Variants in OR56B1 observed in about 807,000 individuals in gnomAD.
The protein encoded by OR56B1 is olfactory receptor 56B1.
A neutral mutation model predicts 11.4 loss-of-function variants in OR56B1; 13 were observed. The ratio of observed to expected loss-of-function variants is 1.14; its 90% CI spans 0.74 to 1.81. The LOEUF (loss-of-function observed/expected upper bound fraction) is 1.81, where lower values mean the gene tolerates loss of function less well. Among genes scored for constraint, OR56B1 ranks in the 40% most tolerant of loss-of-function variants. The pLI is 0.00. For missense variants in OR56B1, 434 were observed against 379.3 expected (o/e 1.14, Z -1.20); for synonymous variants, 158 against 143.6 (o/e 1.10, Z -0.72).
At position 5,737,288 on chromosome 11, in the gene OR56B1, C is replaced by T. The variant is rs370914437; in HGVS notation, c.772C>T (p.Leu258Phe). Residue 258 changes from leucine (L) to phenylalanine (F), a missense_variant, in exon 1 of 1, where the codon CTT becomes TTT. Physicochemically the swap from Leu to Phe is conservative, Grantham distance 22 (BLOSUM62 0). Coordinates refer to ENST00000317121, the MANE Select transcript of OR56B1 (RefSeq NM_001005180.3). ...TTGTAGTTCACATCTCACCCTCATC[C>T]TTTTCTTTTACACTATTGTTGTAGT... is the stretch of plus-strand genomic sequence containing the variant. The part of the protein sequence containing the change: ...STCSSHLTLI[L>F]FFYTIVVVIS... The T allele has an allele frequency of 2.2e-5, 36 of 1,614,012 alleles. No individual in the cohort carries two copies. Among genetic ancestry groups the T allele is most frequent in the Non-Finnish European group, 3.0e-5 (35 of 1,179,988 alleles).
Position 5,737,564 on chromosome 11 carries a change from G to GC in OR56B1, c.*73_*74insC. Reference sequence around the variant, plus strand: ...TAGTAAAATTTCAAAGAGGATAAATGAGTAAGTGAATACCTTTGGGATTCC... The same window carrying GC: ...TAGTAAAATTTCAAAGAGGATAAATGCAGTAAGTGAATACCTTTGGGATTCC... On this transcript the variant is annotated 3_prime_UTR_variant, in exon 1 of 1. Coordinates refer to ENST00000317121, the MANE Select transcript of OR56B1 (RefSeq NM_001005180.3). The GC allele has an allele frequency of 7.3e-7, 1 of 1,371,142 alleles. No homozygotes were observed. The highest frequency in any genetic ancestry group is 1.4e-5 in the South Asian group (1 of 69,206). The allele number at this position is 1,371,142 out of a possible 1,614,324, so 84.9% of individuals were successfully genotyped here. A position where few individuals can be genotyped will look rare whatever the true frequency, so the allele number is the denominator to read the frequency against.
chr11:5,737,168 A>G lies in OR56B1; in HGVS notation c.652A>G (p.Ser218Gly). Residue 218 changes from serine (S) to glycine (G), a missense_variant, in exon 1 of 1, where the codon AGT becomes GGT. Ser to Gly is a moderately conservative substitution (Grantham distance 56). Coordinates refer to ENST00000317121, the MANE Select transcript of OR56B1 (RefSeq NM_001005180.3). ...QLVLAWLGMG[S>G]DLSLIILSYI... ...GGTTCTGGCATGGCTTGGAATGGGG[A>G]GTGATCTAAGTCTTATTATACTGTC... is the stretch of plus-strand genomic sequence containing the variant. 6.2e-7 allele frequency: 1 copy of G among 1,613,964 alleles called. No homozygotes were observed. The highest frequency in any genetic ancestry group is 8.5e-7 in the Non-Finnish European group (1 of 1,179,964).
chr11:5,736,889 C>G lies in OR56B1; in HGVS notation c.373C>G (p.Leu125Val), dbSNP rs199733222. 1.3e-3 allele frequency: 2,138 copies of G among 1,614,012 alleles called. 36 individuals are homozygous for G. The South Asian group carries it at 0.021, about 16-fold the overall frequency. ...FFVGMESGIL[L>V]CMAFDRYVAI... ...TGTGGGCATGGAGTCTGGTATCCTA[C>G]TCTGCATGGCTTTTGATAGATATGT... The change falls in exon 1 of 1, where the codon CTC (leucine) becomes GTC (valine). Residue 125 changes from leucine to valine, a missense_variant. Transcript: ENST00000317121.
Position 5,736,478 on chromosome 11 carries a change from A to C in OR56B1, c.-39A>C. ...TGGTGGTTCCAACCTGTGATAACTG[A>C]GAACAATACAAATAGAGATTTGAAA... On this transcript the variant is annotated 5_prime_UTR_variant, in exon 1 of 1. Coordinates refer to ENST00000317121, the MANE Select transcript of OR56B1 (RefSeq NM_001005180.3). 1 of 1,593,392 alleles carries C rather than the reference A, an allele frequency of 6.3e-7. No homozygotes were observed. The highest frequency in any genetic ancestry group is 1.1e-5 in the South Asian group (1 of 90,498).
chr11:5,736,548 C>G lies in OR56B1; in HGVS notation c.32C>G (p.Ser11Cys). ...CATATGTCTGCATCTCTCAAAATCT[C>G]CAATAGCTCCAAATTCCAGGTCTCT... MNHMSASLKI[S>C]NSSKFQVSEF... Residue 11 changes from serine (S) to cysteine (C), a missense_variant, in exon 1 of 1, where the codon TCC (serine) becomes TGC (cysteine). Physicochemically the swap from Ser to Cys is moderately radical, Grantham distance 112 (BLOSUM62 -1). Coordinates refer to ENST00000317121, the MANE Select transcript of OR56B1 (RefSeq NM_001005180.3). 1 of 1,613,786 alleles carries G rather than the reference C, an allele frequency of 6.2e-7. No individual in the cohort carries two copies. The highest frequency in any genetic ancestry group is 8.5e-7 in the Non-Finnish European group (1 of 1,179,764).
chr11:5,736,557 C>A lies in OR56B1; in HGVS notation c.41C>A (p.Ser14Tyr). The change falls in exon 1 of 1, where the codon TCC becomes TAC. Residue 14 changes from serine to tyrosine, a missense_variant. By Grantham distance (144) the Ser-to-Tyr change is moderately radical. Coordinates refer to ENST00000317121, the MANE Select transcript of OR56B1 (RefSeq NM_001005180.3). ...GCATCTCTCAAAATCTCCAATAGCT[C>A]CAAATTCCAGGTCTCTGAGTTCATC... The part of the protein sequence containing the change: ...MSASLKISNS[S>Y]KFQVSEFILL... 1.9e-6 allele frequency: 3 copies of A among 1,613,820 alleles called. No homozygotes were observed. The highest frequency in any genetic ancestry group is 2.5e-6 in the Non-Finnish European group (3 of 1,179,796).
In OR56B1 at chr11:5,737,094, T is replaced by C. The variant is rs1853931265; in HGVS notation, c.578T>C (p.Val193Ala). 3 of 1,613,936 alleles carry C rather than the reference T, an allele frequency of 1.9e-6. No homozygotes were observed. Among genetic ancestry groups the C allele is most frequent in the Non-Finnish European group, 2.5e-6 (3 of 1,180,002 alleles). ...CACTGCCTGTGCTCTAACCTTGGGG[T>C]CACAAGCCTGGCTTGTGATGACAGG... Reference protein sequence around the residue: ...IEHCLCSNLGVTSLACDDRRP... With the variant: ...IEHCLCSNLGATSLACDDRRP... Residue 193 changes from valine to alanine, a missense_variant, in exon 1 of 1, where the codon GTC becomes GCC. Transcript: ENST00000317121.
At position 5,737,661 on chromosome 11, in the gene OR56B1, A is replaced by T. The variant is rs1466182238; in HGVS notation, c.*170A>T. 1.4e-5 allele frequency: 8 copies of T among 558,512 alleles called. No homozygotes were observed. Among genetic ancestry groups the T allele is most frequent in the Non-Finnish European group, 2.0e-5 (7 of 341,486 alleles). The allele number at this position is 558,512 out of a possible 1,614,324, so 34.6% of individuals were successfully genotyped here. On this transcript the variant is annotated 3_prime_UTR_variant, in exon 1 of 1. Transcript: ENST00000317121. ...ACAAAAAATCACAGTAGCCTAAAAT[A>T]TTGACAAAAGCTAAATATTTAAATA...
At position 5,737,279 on chromosome 11, in the gene OR56B1, AC is replaced by A. The variant is rs1564953044; in HGVS notation, c.766del (p.Leu256SerfsTer10). The A allele has an allele frequency of 6.2e-7, 1 of 1,613,992 alleles. No individual in the cohort carries two copies. Among genetic ancestry groups the A allele is most frequent in the African/African-American group, 1.3e-5 (1 of 75,004 alleles). On this transcript the variant is annotated frameshift_variant, in exon 1 of 1. Transcript: ENST00000317121. LOFTEE classifies it high-confidence loss of function. Reference protein sequence around the residue: ...KALSTCSSHLTLILFFYTIVV... With the variant: ...KALSTCSSHLXLILFFYTIVV... ...CCTGAGCACTTGTAGTTCACATCTCACCCTCATCCTTTTCTTTTACACTATT... is the reference window on the plus strand; with the variant it reads ...CCTGAGCACTTGTAGTTCACATCTCACCTCATCCTTTTCTTTTACACTATT...
At position 5,737,405 on chromosome 11, in the gene OR56B1, C is replaced by G; in HGVS notation, c.889C>G (p.Pro297Ala). ...LHNIIPPSLN[P>A]TVYALQTKEL... Reference sequence around the variant, plus strand: ...CAACATCATCCCCCCTTCCCTCAACCCTACAGTTTATGCACTTCAGACCAA... The same window carrying G: ...CAACATCATCCCCCCTTCCCTCAACGCTACAGTTTATGCACTTCAGACCAA... Residue 297 changes from proline (P) to alanine (A), a missense_variant, in exon 1 of 1, where the codon CCT becomes GCT. Transcript: ENST00000317121. The G allele has an allele frequency of 6.2e-7, 1 of 1,614,062 alleles. No individual in the cohort carries two copies.
At position 5,736,520 on chromosome 11, in the gene OR56B1, A is replaced by G; in HGVS notation, c.4A>G (p.Asn2Asp). The G allele has an allele frequency of 6.2e-7, 1 of 1,613,384 alleles. No homozygotes were observed. Among genetic ancestry groups the G allele is most frequent in the Non-Finnish European group, 8.5e-7 (1 of 1,179,368 alleles). Residue 2 changes from asparagine (N) to aspartate (D), a missense_variant, in exon 1 of 1, where the codon AAT becomes GAT. Coordinates refer to ENST00000317121, the MANE Select transcript of OR56B1 (RefSeq NM_001005180.3). ...GATTTGAAATTCATGTTGAATCATG[A>G]ATCATATGTCTGCATCTCTCAAAAT... MNHMSASLKISN... is the reference protein window; with the variant it reads MDHMSASLKISN...
In OR56B1 at chr11:5,736,878, CT is replaced by C; in HGVS notation, c.363del (p.Gly122ValfsTer28). ...ATTCACTTCTTTGTGGGCATGGAGT[CT>C]GGTATCCTACTCTGCATGGCTTTTG... is the stretch of plus-strand genomic sequence containing the variant. ...YAIHFFVGME[S>X]GILLCMAFDR... On this transcript the variant is annotated frameshift_variant, in exon 1 of 1. Coordinates refer to ENST00000317121, the MANE Select transcript of OR56B1 (RefSeq NM_001005180.3). LOFTEE classifies it high-confidence loss of function. 1 of 1,614,008 alleles carries C rather than the reference CT, an allele frequency of 6.2e-7. No individual in the cohort carries two copies. Among genetic ancestry groups the C allele is most frequent in the Non-Finnish European group, 8.5e-7 (1 of 1,179,990 alleles).
Position 5,736,529 on chromosome 11 carries a change from T to C in OR56B1, c.13T>C (p.Ser5Pro). The part of the protein sequence containing the change: MNHM[S>P]ASLKISNSSK... Reference sequence around the variant, plus strand: ...TTCATGTTGAATCATGAATCATATGTCTGCATCTCTCAAAATCTCCAATAG... The same window carrying C: ...TTCATGTTGAATCATGAATCATATGCCTGCATCTCTCAAAATCTCCAATAG... The change falls in exon 1 of 1, where the codon TCT becomes CCT. Residue 5 changes from serine to proline, a missense_variant. Coordinates refer to ENST00000317121, the MANE Select transcript of OR56B1 (RefSeq NM_001005180.3). 6.2e-7 allele frequency: 1 copy of C among 1,613,628 alleles called. No individual in the cohort carries two copies. The highest frequency in any genetic ancestry group is 8.5e-7 in the Non-Finnish European group (1 of 1,179,596).
At position 5,736,844 on chromosome 11, in the gene OR56B1, A is replaced by G. The variant is rs1188698019; in HGVS notation, c.328A>G (p.Ile110Val). ...VISLPECFAQIYAIHFFVGME... is the reference protein window; with the variant it reads ...VISLPECFAQVYAIHFFVGME... ...TAGCCTCCCTGAGTGCTTTGCTCAG[A>G]TTTATGCCATTCACTTCTTTGTGGG... Residue 110 changes from isoleucine (I) to valine (V), a missense_variant, in exon 1 of 1, where the codon ATT becomes GTT. Transcript: ENST00000317121. The G allele has an allele frequency of 6.2e-7, 1 of 1,613,952 alleles. No individual in the cohort carries two copies. The highest frequency in any genetic ancestry group is 8.5e-7 in the Non-Finnish European group (1 of 1,179,982).
Position 5,736,966 on chromosome 11 carries a change from C to A in OR56B1, c.450C>A (p.Ile150=). The A allele has an allele frequency of 6.2e-7, 1 of 1,614,106 alleles. No individual in the cohort carries two copies. Among genetic ancestry groups the A allele is most frequent in the Non-Finnish European group, 8.5e-7 (1 of 1,179,994 alleles). ...CATCAATTGTCACCAGTTCCTTAAT[C>A]TTAAAAGCTACCCTGTTCATGGTGC... The part of the protein sequence containing the change: ...RYPSIVTSSL[I]LKATLFMVLR... The change falls in exon 1 of 1, where the codon ATC becomes ATA. Residue 150 remains isoleucine, a synonymous_variant. Transcript: ENST00000317121.
rs758108750 is a variant in OR56B1, at chr11:5,736,622, C to T, written c.106C>T (p.Leu36=). The T allele has an allele frequency of 5.0e-6, 8 of 1,614,026 alleles. No individual in the cohort carries two copies. The Admixed American group carries it at 8.3e-5, about 17-fold the overall frequency. ...GGGCATTCACAGCTGGCAACACTGG[C>T]TATCTCTGCCCCTGGCACTACTGTA... is the stretch of plus-strand genomic sequence containing the variant. ...FPGIHSWQHW[L]SLPLALLYLS... The change falls in exon 1 of 1, where the codon CTA becomes TTA. Residue 36 remains leucine (L), a synonymous_variant. Coordinates refer to ENST00000317121, the MANE Select transcript of OR56B1 (RefSeq NM_001005180.3).
rs1853947499 is a variant in OR56B1, at chr11:5,737,731, TA to T, written c.*243del. ...AATTTCTGCCAAATCAAATTGGATT[TA>T]AAGAACTTAATGATTGATATCTATC... On this transcript the variant is annotated 3_prime_UTR_variant, in exon 1 of 1. Transcript: ENST00000317121. 1 of 388,576 alleles carries T rather than the reference TA, an allele frequency of 2.6e-6. No individual in the cohort carries two copies. Among genetic ancestry groups the T allele is most frequent in the Admixed American group, 4.1e-5 (1 of 24,460 alleles). 24.1% of individuals were successfully genotyped at this position (388,576 alleles called of 1,614,324 possible).
rs542486043 is a variant in OR56B1, at chr11:5,737,813, A to T, written c.*322A>T. ...CCCACAAATACACACACAGACACAC[A>T]TACATTCAATCAGACAAATGAGTGA... On this transcript the variant is annotated 3_prime_UTR_variant, in exon 1 of 1. Coordinates refer to ENST00000317121, the MANE Select transcript of OR56B1 (RefSeq NM_001005180.3). 4.8e-6 allele frequency: 1 copy of T among 210,506 alleles called. No individual in the cohort carries two copies. Among genetic ancestry groups the T allele is most frequent in the South Asian group, 9.8e-5 (1 of 10,188 alleles). The allele number at this position is 210,506 out of a possible 1,614,324, so 13.0% of individuals were successfully genotyped here. A position where few individuals can be genotyped will look rare whatever the true frequency, so the allele number is the denominator to read the frequency against.
In OR56B1 at chr11:5,736,663, T is replaced by G. The variant is rs771139346; in HGVS notation, c.147T>G (p.Ala49=). 4.3e-6 allele frequency: 7 copies of G among 1,614,022 alleles called. No homozygotes were observed. The highest frequency in any genetic ancestry group is 5.9e-6 in the Non-Finnish European group (7 of 1,179,978). ...CACTACTGTATCTCTCAGCACTTGC[T>G]GCAAACACCCTCATCCTCATCATCA... ...PLALLYLSAL[A]ANTLILIIIW... The change falls in exon 1 of 1, where the codon GCT becomes GCG. Residue 49 remains alanine (A), a synonymous_variant. Coordinates refer to ENST00000317121, the MANE Select transcript of OR56B1 (RefSeq NM_001005180.3).
Sources: allele counts gnomAD v4.1 joint callset, GRCh38; gene constraint gnomAD v4.1.1; transcripts MANE v1.5; gene names NCBI Gene and HGNC (gene_info 2026-07-23, HGNC 2026-07-21).